ZNF540: variants seen among roughly 807,000 people sequenced by gnomAD.
The protein encoded by ZNF540 is CTD-3064H18.6.
ZNF540 carries 3 observed loss-of-function variants against 11.8 expected under a neutral mutation model. The ratio of observed to expected loss-of-function variants is 0.25; its 90% confidence interval spans 0.12 to 0.65. ZNF540 has a LOEUF of 0.65. ZNF540 is among the 30% of genes least tolerant of loss of function. The pLI is 0.83. For synonymous variants in ZNF540, 247 were observed against 259.0 expected (o/e 0.95, Z 0.45); for missense variants, 709 against 793.1 (o/e 0.89, Z 1.27).
At chr19:37,596,575 T>G (rs1469477295) in intron 1 of ZNF540, among the ~76,000 whole-genome samples, 2 of 152,240 alleles carry the variant, frequency 1.3e-5, no homozygotes, top group Non-Finnish European at 2.9e-5. Context: ...TTTATGTTTG[T>G]ATCTAGCTTT....
intron 4 of ZNF540, among the ~76,000 whole-genome samples, chr19:37,608,802 C>T (rs986565096): frequency 2.0e-5 from 3 of 152,040 alleles, no homozygotes; most frequent in African/African-American, 7.2e-5. Context: ...TATTTTCATT[C>T]CTCTATATCA....
intron 1 of ZNF540, among the ~76,000 whole-genome samples, chr19:37,570,563 A>G (rs1048133692): frequency 6.6e-6 from 1 of 152,212 alleles, no homozygotes; most frequent in Non-Finnish European, 1.5e-5. Flanking sequence ...TGTATTCTGT[A>G]GTCTCTTTGG....
At position 37,613,066 on chromosome 19, in the gene ZNF540, AT is replaced by A. The variant is rs1568370204; in HGVS notation, c.1787del (p.Ile596AsnfsTer64). 6.2e-7 allele frequency: 1 copy of A among 1,613,834 alleles called. No homozygotes were observed. Among genetic ancestry groups the A allele is most frequent in the Non-Finnish European group, 8.5e-7 (1 of 1,179,884 alleles). On this transcript the variant is annotated frameshift_variant, in exon 5 of 5. Coordinates refer to ENST00000316433, the MANE Select transcript of ZNF540 (RefSeq NM_001172225.3). LOFTEE classifies it low-confidence loss of function (END_TRUNC). ...CTTTAGTCGTAGTGTAGACCTTAGA[AT>A]ACATCAAAGAATTCATACTGGTGAG... ...KAFSRSVDLR[I>X]HQRIHTGEKP... is the part of the protein sequence containing the mutation.
At chr19:37,563,547 A>G (rs1863310021) in intron 1 of ZNF540, 1 of 152,080 alleles carries the variant, frequency 6.6e-6, no homozygotes, top group African/African-American at 2.4e-5. Context: ...TGGAATACAT[A>G]TGTGGAATAT....
intron 1 of ZNF540, chr19:37,562,337 C>T (rs1975939): frequency 0.25 from 38,584 of 151,768 alleles, 5,584 homozygotes; most frequent in East Asian, 0.63. Flanking sequence ...GCCAAGATCA[C>T]ACCACTGCAC....
At chr19:37,584,125 A>T (rs2043575810) in intron 1 of ZNF540, 1 of 1,613,460 alleles carries the variant, frequency 6.2e-7, no homozygotes, top group Admixed American at 1.7e-5. Context: ...TTACAGGATG[A>T]TTCTACAGGA....
chr19:37,564,928 C>T, intron 1 of ZNF540: 1 of 1,613,876 alleles, frequency 6.2e-7, no homozygotes, highest in Non-Finnish European at 8.5e-7. Flanking sequence ...ATTTGTAGGG[C>T]TTTTCACCTG....
intron 1 of ZNF540, among the ~76,000 whole-genome samples, chr19:37,596,310 T>C (rs1349033756): frequency 3.3e-5 from 5 of 152,186 alleles, no homozygotes; most frequent in Non-Finnish European, 5.9e-5. Context: ...ACTGTATTTG[T>C]TTGTTTTAAA....
At chr19:37,580,915 G>A (rs1463998334) in intron 1 of ZNF540, among the ~76,000 whole-genome samples, 1 of 152,194 alleles carries the variant, frequency 6.6e-6, no homozygotes, top group African/African-American at 2.4e-5. Flanking sequence ...TAGTAACACA[G>A]TATGAACTAA....
chr19:37,564,938 G>C (rs1314291133), intron 1 of ZNF540: 1 of 1,613,792 alleles, frequency 6.2e-7, no homozygotes, highest in Non-Finnish European at 8.5e-7. Flanking sequence ...CTTTTCACCT[G>C]TATGAATTCT....
At chr19:37,605,415 C>T (rs985339861) in intron 4 of ZNF540, among the ~76,000 whole-genome samples, 4 of 152,158 alleles carry the variant, frequency 2.6e-5, no homozygotes, top group Non-Finnish European at 4.4e-5. Flanking sequence ...TTTGGGAGGC[C>T]GAGGTGGGTG....
chr19:37,595,542 G>C (rs1261779235), intron 1 of ZNF540: 1 of 152,110 alleles, frequency 6.6e-6, no homozygotes, highest in African/African-American at 2.4e-5. Flanking sequence ...CTGTGGCAGT[G>C]AATGTGGGGA....
intron 4 of ZNF540, chr19:37,611,259 T>G (rs1220172574): frequency 2.1e-5 from 5 of 239,534 alleles, no homozygotes; most frequent in Admixed American, 1.0e-4. Flanking sequence ...ACTCCTGACC[T>G]CAGATGATCC....
chr19:37,551,795 G>GTGT (rs2042607969), intron 1 of ZNF540: 1 of 149,616 alleles, frequency 6.7e-6, no homozygotes, highest in Non-Finnish European at 1.5e-5. Context: ...GCATATCTCT[G>GTGT]TGTGTGTTTC....
rs192850120 is a variant in ZNF540 at position 37,566,442 on chromosome 19, A to C, written c.-73+14777A>C. On this transcript the variant is annotated intron_variant, in intron 1 of 4. Transcript: ENST00000592533. ...TTTTCTGCCATTTTTCTTTAAAGGC[A>C]CAAGGAGAGAATAAAGAAAAAGGAG... 449 of 836,412 alleles carry C rather than the reference A, an allele frequency of 5.4e-4. 1 individual carries two copies. The African/African-American group carries it at 6.9e-3, about 13-fold the overall frequency. 51.8% of individuals were successfully genotyped at this position (836,412 alleles called of 1,614,324 possible).
At chr19:37,571,964 ATC>A (rs2043070267) in intron 1 of ZNF540, among the ~76,000 whole-genome samples, 1 of 152,248 alleles carries the variant, frequency 6.6e-6, no homozygotes, top group Non-Finnish European at 1.5e-5. Context: ...TTTAAATTAT[ATC>A]TTTTTTTATG....
chr19:37,557,293 G>C (rs1421382314), intron 1 of ZNF540, among the ~76,000 whole-genome samples: 1 of 152,188 alleles, frequency 6.6e-6, no homozygotes, highest in African/African-American at 2.4e-5. Flanking sequence ...AGAGCTGCTT[G>C]ATCTGTTAGG....
chr19:37,612,783 GAA>G lies in ZNF540; in HGVS notation c.1504_1505del (p.Lys502AspfsTer3), dbSNP rs780177539. 1.9e-6 allele frequency: 3 copies of G among 1,614,030 alleles called. No homozygotes were observed. The highest frequency in any genetic ancestry group is 2.5e-6 in the Non-Finnish European group (3 of 1,180,000). The part of the protein sequence containing the change: ...VKPYKCVRCG[K>X]TFRFGFYLTE... ...AGCCCTACAAATGTGTACGATGTGG[GAA>G]GACCTTTAGATTTGGTTTCTACCTT... On this transcript the variant is annotated frameshift_variant, in exon 5 of 5. Transcript: ENST00000316433. LOFTEE classifies it low-confidence loss of function (END_TRUNC).
chr19:37,564,852 C>T lies in ZNF540; in HGVS notation c.-73+13187C>T, dbSNP rs781247424. On this transcript the variant is annotated intron_variant, in intron 1 of 4. Transcript: ENST00000592533. ...TGTTTACATTCATAAGGTTTTTCAC[C>T]TCTGTGAATTCTCTGATGTTCACTA... The T allele has an allele frequency of 3.6e-5, 58 of 1,613,856 alleles. No homozygotes were observed. Among genetic ancestry groups the T allele is most frequent in the Non-Finnish European group, 4.7e-5 (55 of 1,179,930 alleles).
Sources: gnomAD v4.1 joint callset for allele counts (sites outside exome capture counted in the v4.1 genomes callset) on GRCh38, gnomAD v4.1.1 for gene constraint, MANE v1.5 for transcripts, NCBI Gene and HGNC (gene_info 2026-07-23, HGNC 2026-07-21) for gene names.